The following SRPK2 variants were observed in gnomAD, a reference collection of about 807,000 sequenced individuals.
SRPK2 encodes SFRS protein kinase 2.
Under a neutral mutation model 90.8 loss-of-function variants are expected in SRPK2, and 21 were observed. The observed-to-expected ratio is 0.23, with a 90% CI of 0.16 to 0.33. SRPK2 has a LOEUF of 0.33. Among genes scored for constraint, SRPK2 ranks in the 10% least tolerant of loss-of-function variants. The pLI, the probability that SRPK2 is intolerant of heterozygous loss-of-function variation, is 1.00. For missense variants in SRPK2, 620 were observed against 869.0 expected, an observed-to-expected ratio of 0.71 and a Z score of 3.60; for synonymous variants, 288 against 311.1, an observed-to-expected ratio of 0.93 and a Z score of 0.78.
chr7:105,204,157 A>G (rs1305315387), intron 2 of SRPK2, among the ~76,000 whole-genome samples: 1 of 152,244 alleles, frequency 6.6e-6, no homozygotes, highest in African/African-American at 2.4e-5. Context: ...GTTAGAAAAC[A>G]TCACAACGAT....
intron 2 of SRPK2, among the ~76,000 whole-genome samples, chr7:105,379,904 G>A (rs548567111): frequency 6.6e-6 from 1 of 152,226 alleles, no homozygotes; most frequent in South Asian, 2.1e-4. Flanking sequence ...CTTGAATCGG[G>A]GAAGCGGAGG....
At chr7:105,318,964 A>G (rs1433814883) in intron 2 of SRPK2, among the ~76,000 whole-genome samples, 1 of 152,258 alleles carries the variant, frequency 6.6e-6, no homozygotes, top group African/African-American at 2.4e-5. Context: ...CATAATTTAC[A>G]TGAATGAGTA....
chr7:105,346,707 A>G (rs960688841), intron 2 of SRPK2, among the ~76,000 whole-genome samples: 1 of 152,004 alleles, frequency 6.6e-6, no homozygotes, highest in Non-Finnish European at 1.5e-5. Context: ...GCAGTGAGCC[A>G]AGATCGCACC....
At chr7:105,311,801 G>A (rs1811736112) in intron 2 of SRPK2, among the ~76,000 whole-genome samples, 1 of 152,098 alleles carries the variant, frequency 6.6e-6, no homozygotes. Context: ...GAAAAAGTGT[G>A]GTGGTTCCTC....
At chr7:105,303,276 G>T (rs1346655637) in intron 2 of SRPK2, among the ~76,000 whole-genome samples, 1 of 152,026 alleles carries the variant, frequency 6.6e-6, no homozygotes, top group African/African-American at 2.4e-5. Context: ...AGAACACTTG[G>T]ACACAGGGCG....
chr7:105,256,999 T>C (rs544113918), intron 2 of SRPK2, among the ~76,000 whole-genome samples: 1 of 152,342 alleles, frequency 6.6e-6, no homozygotes, highest in African/African-American at 2.4e-5. Flanking sequence ...GTGTTGTCCA[T>C]TAGAGTACTT....
intron 2 of SRPK2, among the ~76,000 whole-genome samples, chr7:105,210,791 C>T (rs944637483): frequency 6.6e-6 from 1 of 152,170 alleles, no homozygotes; most frequent in African/African-American, 2.4e-5. Context: ...GAAGTGGAAG[C>T]GGAGCGGCGG....
intron 2 of SRPK2, chr7:105,205,940 C>CAA: frequency 1.9e-6 from 1 of 518,774 alleles, no homozygotes; most frequent in South Asian, 1.4e-5. Context: ...CACACACACA[C>CAA]ACACACATTG....
chr7:105,387,791 G>A (rs3087867), intron 2 of SRPK2, among the ~76,000 whole-genome samples: 63,007 of 152,120 alleles, frequency 0.41, 15,304 homozygotes, highest in Non-Finnish European at 0.54. Context: ...AAAATTAGGA[G>A]AGAGGAGTGG....
chr7:105,337,387 T>G (rs988416659), intron 2 of SRPK2, among the ~76,000 whole-genome samples: 1 of 151,554 alleles, frequency 6.6e-6, no homozygotes, highest in African/African-American at 2.4e-5. Context: ...CAATCTTAGC[T>G]CACTGCAAAC....
chr7:105,253,977 A>G (rs886998721), intron 2 of SRPK2, among the ~76,000 whole-genome samples: 1 of 152,218 alleles, frequency 6.6e-6, no homozygotes, highest in Non-Finnish European at 1.5e-5. Flanking sequence ...AGAGGCTTGA[A>G]TCACATAACT....
chr7:105,300,585 G>A (rs1388986879), intron 2 of SRPK2, among the ~76,000 whole-genome samples: 1 of 152,122 alleles, frequency 6.6e-6, no homozygotes. Context: ...ACAACCTACA[G>A]AATGGGAGAA....
intron 8 of SRPK2, among the ~76,000 whole-genome samples, chr7:105,146,269 A>C (rs1584945719): frequency 6.6e-6 from 1 of 152,240 alleles, no homozygotes; most frequent in South Asian, 2.1e-4. Context: ...CAGCAACTAC[A>C]AATTTAAATG....
chr7:105,179,473 C>A (rs954952942), intron 3 of SRPK2, among the ~76,000 whole-genome samples: 13 of 152,172 alleles, frequency 8.5e-5, no homozygotes, highest in African/African-American at 3.1e-4. Flanking sequence ...ATCCGATTCA[C>A]TACAGTAGCC....
Position 105,330,437 on chromosome 7 carries a change from C to T in SRPK2, c.71+58211G>A, listed in dbSNP as rs966022662. 2.6e-5 allele frequency among the ~76,000 whole-genome samples: 4 copies of T among 152,036 alleles called. No homozygotes were observed. In the East Asian group the frequency reaches 7.7e-4, roughly 29 times the overall value. ...ATTGACTCCTGTCTCCATTTCTATT[C>T]ATTCCATAGCTAGAAATCTTTATAA... On this transcript the variant is annotated intron_variant, in intron 2 of 15. Coordinates refer to ENST00000393651, the MANE Select transcript of SRPK2 (RefSeq NM_182692.3).
chr7:105,297,252 A>G (rs10429247), intron 2 of SRPK2, among the ~76,000 whole-genome samples: 5,956 of 152,312 alleles, frequency 0.039, 408 homozygotes, highest in African/African-American at 0.14. Flanking sequence ...GAAACAGCAA[A>G]CCAATTGCCA....
intron 2 of SRPK2, among the ~76,000 whole-genome samples, chr7:105,388,364 G>T (rs1363532092): frequency 6.6e-6 from 1 of 150,540 alleles, no homozygotes; most frequent in South Asian, 2.1e-4. Flanking sequence ...CCTGCCCGGC[G>T]CCTTTCCGCC....
intron 13 of SRPK2, among the ~76,000 whole-genome samples, chr7:105,130,971 A>G (rs755268225): frequency 2.6e-5 from 4 of 152,242 alleles, no homozygotes; most frequent in Non-Finnish European, 4.4e-5. Flanking sequence ...CACTGTTCAC[A>G]GCAATAGCAT....
chr7:105,333,419 A>C (rs1814683450), intron 2 of SRPK2, among the ~76,000 whole-genome samples: 1 of 152,226 alleles, frequency 6.6e-6, no homozygotes, highest in Non-Finnish European at 1.5e-5. Flanking sequence ...TGACAAATTT[A>C]ATTAACGTTT....
Sources: allele counts gnomAD v4.1 joint callset (sites outside exome capture counted in the v4.1 genomes callset), GRCh38; gene constraint gnomAD v4.1.1; transcripts MANE v1.5; gene names NCBI Gene and HGNC (gene_info 2026-07-23, HGNC 2026-07-21).